The following HDAC2 variants were observed in gnomAD, a reference collection of about 807,000 sequenced individuals.
The protein encoded by HDAC2 is histone deacetylase 2, also known as YY1-associated factor 1.
In HDAC2, 5 loss-of-function variants were observed where a neutral mutation model predicts 68.5. The observed-to-expected ratio is 0.07, with a 90% confidence interval of 0.04 to 0.15. The LOEUF (loss-of-function observed/expected upper bound fraction) is 0.15, where lower values mean the gene tolerates loss of function less well. HDAC2 is among the 10% of genes least tolerant of loss of function. The pLI is 1.00. For synonymous variants in HDAC2, 182 were observed against 191.3 expected (o/e 0.95, Z 0.40); for missense variants, 291 against 600.8 (o/e 0.48, Z 5.39).
chr6:113,960,190 C>T (rs751485567), intron 1 of HDAC2, among the ~76,000 whole-genome samples, 172 bp from the exon 2 acceptor site: 32 of 151,988 alleles, frequency 2.1e-4, no homozygotes, highest in East Asian at 5.8e-4. Context: ...ATGACTAAGA[C>T]GCTACGCACA....
intron 1 of HDAC2, 50 bp downstream of exon 1, chr6:113,970,807 C>T (rs1776981061): frequency 2.2e-5 from 32 of 1,487,626 alleles, no homozygotes; most frequent in Non-Finnish European, 2.7e-5. Context: ...AGCCGCGGAA[C>T]CCAGCGCCCG....
At chr6:113,970,714 G>C (rs1002338050) in intron 1 of HDAC2, 143 bp downstream of exon 1, 2 of 1,393,986 alleles carry the variant, frequency 1.4e-6, no homozygotes, top group African/African-American at 3.1e-5. Flanking sequence ...TAACTGTGCC[G>C]GGCCGGGAAC....
intron 3 of HDAC2, chr6:113,956,917 T>C (rs1776567366): frequency 2.2e-6 from 1 of 448,332 alleles, no homozygotes; most frequent in South Asian, 3.6e-5. Flanking sequence ...CAGGATTATC[T>C]GTGGAATATT....
At chr6:113,954,073 C>A (rs1776488122) in intron 5 of HDAC2, among the ~76,000 whole-genome samples, 1 of 152,168 alleles carries the variant, frequency 6.6e-6, no homozygotes, top group African/African-American at 2.4e-5. Flanking sequence ...GTGCTTGGAG[C>A]ACCACAGATT....
chr6:113,940,989 A>G lies in HDAC2; in HGVS notation c.*69T>C. On this transcript the variant is annotated 3_prime_UTR_variant, in exon 14 of 14. Coordinates refer to ENST00000519065, the MANE Select transcript of HDAC2 (RefSeq NM_001527.4). ...GTATAAAATGAAGCCAGAAGTCTTC[A>G]AAAAGAAAACATTTTCCTTTCAATA... 1 of 1,291,902 alleles carries G rather than the reference A, an allele frequency of 7.7e-7. No homozygotes were observed. Among genetic ancestry groups the G allele is most frequent in the African/African-American group, 1.5e-5 (1 of 67,842 alleles). 80.0% of individuals were successfully genotyped at this position (1,291,902 alleles called of 1,614,324 possible).
At position 113,938,210 on chromosome 6, in the gene HDAC2, T is replaced by C; in HGVS notation, c.*2848A>G. On this transcript the variant is annotated 3_prime_UTR_variant, in exon 14 of 14. Coordinates refer to ENST00000519065, the MANE Select transcript of HDAC2 (RefSeq NM_001527.4). ...CTAAGTTAAAAAATAAGTCTCTCTATAGCTTTTTATTTACTGAGGTTAAAG... is the reference window on the plus strand; with the variant it reads ...CTAAGTTAAAAAATAAGTCTCTCTACAGCTTTTTATTTACTGAGGTTAAAG... The C allele has an allele frequency of 6.6e-6, 1 of 152,192 alleles. No individual in the cohort carries two copies. The highest frequency in any genetic ancestry group is 1.5e-5 in the Non-Finnish European group (1 of 68,028). The allele number at this position is 152,192 out of a possible 1,614,324, so 9.4% of individuals were successfully genotyped here.
rs1281765084 is a variant in HDAC2, at chr6:113,939,745, T to G, written c.*1313A>C. 6.6e-6 allele frequency: 1 copy of G among 152,142 alleles called. No individual in the cohort carries two copies. The highest frequency in any genetic ancestry group is 1.5e-5 in the Non-Finnish European group (1 of 68,026). The allele number at this position is 152,142 out of a possible 1,614,324, so 9.4% of individuals were successfully genotyped here. On this transcript the variant is annotated 3_prime_UTR_variant, in exon 14 of 14. Coordinates refer to ENST00000519065, the MANE Select transcript of HDAC2 (RefSeq NM_001527.4). The stretch of plus-strand genomic sequence containing the variant: ...AAGAGAGCTTCAATTTCGGTGTATT[T>G]TAAGAAAAAAACACCGAAGCAAATA...
intron 2 of HDAC2, chr6:113,959,683 G>T: frequency 3.2e-6 from 1 of 316,716 alleles, no homozygotes; most frequent in Non-Finnish European, 5.7e-6. Context: ...TGAAAGCCTA[G>T]GGTAGGGGGA....
At chr6:113,949,537 A>AGAG (rs72563665) in intron 6 of HDAC2, among the ~76,000 whole-genome samples, 1 of 151,766 alleles carries the variant, frequency 6.6e-6, no homozygotes, top group Non-Finnish European at 1.5e-5. Flanking sequence ...ATTTAACACA[A>AGAG]GTTAAAGGCA....
intron 5 of HDAC2, among the ~76,000 whole-genome samples, chr6:113,954,651 T>G (rs1776504616): frequency 6.6e-6 from 1 of 152,214 alleles, no homozygotes; most frequent in African/African-American, 2.4e-5. Flanking sequence ...ATGATTTTCC[T>G]TTGCTCCTGA....
rs1776051107 is a variant in HDAC2 at position 113,938,309 on chromosome 6, C to T, written c.*2749G>A. The stretch of plus-strand genomic sequence containing the variant: ...CATCCTTATACATTTTGTTCCTCTA[C>T]TATCTTTAGATATGAGCCTTTTGAC... On this transcript the variant is annotated 3_prime_UTR_variant, in exon 14 of 14. Transcript: ENST00000519065. The T allele has an allele frequency of 6.6e-6, 1 of 152,198 alleles. No individual in the cohort carries two copies. Among genetic ancestry groups the T allele is most frequent in the African/African-American group, 2.4e-5 (1 of 41,456 alleles). 9.4% of individuals were successfully genotyped at this position (152,198 alleles called of 1,614,324 possible). A position where few individuals can be genotyped will look rare whatever the true frequency, so the allele number is the denominator to read the frequency against.
At position 113,945,910 on chromosome 6, in the gene HDAC2, A is replaced by G. The variant is rs1319379546; in HGVS notation, c.982+98T>C. ...CCATTTTCTACTTATCATACTTTCA[A>G]CTTATGATGGGTTTATCAGGACCTA... On this transcript the variant is annotated intron_variant, in intron 9 of 13. Coordinates refer to ENST00000519065, the MANE Select transcript of HDAC2 (RefSeq NM_001527.4). 4 of 936,640 alleles carry G rather than the reference A, an allele frequency of 4.3e-6. No individual in the cohort carries two copies. In the African/African-American group the frequency reaches 6.6e-5, roughly 15 times the overall value. 58.0% of individuals were successfully genotyped at this position (936,640 alleles called of 1,614,324 possible).
chr6:113,953,767 T>C (rs1776477768), intron 5 of HDAC2, among the ~76,000 whole-genome samples: 1 of 152,276 alleles, frequency 6.6e-6, no homozygotes. Flanking sequence ...TCTTCAATAG[T>C]ATAAAATAGG....
intron 12 of HDAC2, among the ~76,000 whole-genome samples, 189 bp downstream of exon 12, chr6:113,943,161 AG>A (rs1332305980): frequency 6.6e-6 from 1 of 152,190 alleles, no homozygotes; most frequent in Admixed American, 6.5e-5. Context: ...TAAAGCAAAT[AG>A]GAACAATAAC....
intron 2 of HDAC2, 152 bp from the exon 3 acceptor site, chr6:113,958,918 A>G (rs1040044645): frequency 2.9e-6 from 2 of 678,042 alleles, no homozygotes; most frequent in African/African-American, 1.8e-5. Context: ...CCAAACTTAT[A>G]TGTGTTTTAG....
intron 1 of HDAC2, among the ~76,000 whole-genome samples, chr6:113,962,963 CAAAAAA>C (rs796684838): frequency 1.6e-5 from 1 of 62,648 alleles, no homozygotes. Flanking sequence ...GACTCTGTAT[CAAAAAA>C]AAAAAAAAAA....
At chr6:113,956,815 C>T (rs1776564334) in intron 3 of HDAC2, 122 bp from the exon 4 acceptor site, 4 of 668,668 alleles carry the variant, frequency 6.0e-6, no homozygotes, top group Non-Finnish European at 1.1e-5. Context: ...ATACACTTCA[C>T]AGTATAATAT....
rs1045328155 is a variant in HDAC2 at position 113,941,043 on chromosome 6, G to T, written c.*15C>A. 1.3e-6 allele frequency: 2 copies of T among 1,595,902 alleles called. No homozygotes were observed. The highest frequency in any genetic ancestry group is 1.3e-5 in the African/African-American group (1 of 74,362). On this transcript the variant is annotated 3_prime_UTR_variant, in exon 14 of 14. Coordinates refer to ENST00000519065, the MANE Select transcript of HDAC2 (RefSeq NM_001527.4). The stretch of plus-strand genomic sequence containing the variant: ...TCTTTTTAATGATTTTCTGAAATTG[G>T]TGAGACTGTCAAATTCAGGGGTTGC...
At chr6:113,962,860 A>G (rs1776720438) in intron 1 of HDAC2, among the ~76,000 whole-genome samples, 1 of 150,070 alleles carries the variant, frequency 6.7e-6, no homozygotes, top group Non-Finnish European at 1.5e-5. Context: ...GCTGCTCAGG[A>G]GGCTGAGGCA....
Sources: gnomAD v4.1 joint callset for allele counts (sites outside exome capture counted in the v4.1 genomes callset) on GRCh38, gnomAD v4.1.1 for gene constraint, MANE v1.5 for transcripts, NCBI Gene and HGNC (gene_info 2026-07-23, HGNC 2026-07-21) for gene names.